The following NRG3 variants were observed in gnomAD, a reference collection of about 807,000 sequenced individuals.
NRG3 encodes neuregulin 3, also known as pro-neuregulin-3, membrane-bound isoform.
Under a neutral mutation model 66.9 loss-of-function variants are expected in NRG3, and 31 were observed. The observed-to-expected ratio is 0.46, with a 90% CI of 0.35 to 0.63. The LOEUF (loss-of-function observed/expected upper bound fraction) is 0.63, where lower values mean the gene tolerates loss of function less well. NRG3 is among the 20% of genes least tolerant of loss of function. NRG3 has a pLI of 0.00. For synonymous variants in NRG3, 393 were observed against 359.4 expected, an observed-to-expected ratio of 1.09 and a Z score of -1.06; for missense variants, 910 against 878.9, an observed-to-expected ratio of 1.04 and a Z score of -0.45.
chr10:82,331,117 T>C (rs932596950), intron 1 of NRG3, among the ~76,000 whole-genome samples: 4 of 152,204 alleles, frequency 2.6e-5, no homozygotes, highest in Non-Finnish European at 5.9e-5. Context: ...CATGTAGACC[T>C]GGAAAAACAC....
At chr10:82,453,521 C>A (rs2091119294) in intron 2 of NRG3, among the ~76,000 whole-genome samples, 1 of 152,064 alleles carries the variant, frequency 6.6e-6, no homozygotes. Context: ...AAATTATCAA[C>A]CAAAGACAAT....
chr10:82,607,849 G>T (rs1025328396), intron 2 of NRG3, among the ~76,000 whole-genome samples: 2 of 151,984 alleles, frequency 1.3e-5, no homozygotes, highest in African/African-American at 4.8e-5. Flanking sequence ...TGTATTGCAA[G>T]TACTTTATAA....
intron 2 of NRG3, among the ~76,000 whole-genome samples, chr10:82,492,395 C>T (rs978215185): frequency 6.6e-6 from 1 of 152,176 alleles, no homozygotes; most frequent in Non-Finnish European, 1.5e-5. Flanking sequence ...TTATTTCTTT[C>T]ATTTAAATGA....
chr10:82,803,860 C>T (rs1273972969), intron 3 of NRG3, among the ~76,000 whole-genome samples: 1 of 152,120 alleles, frequency 6.6e-6, no homozygotes. Flanking sequence ...TCCATGGCTT[C>T]ACTTTACGGT....
At chr10:82,512,496 A>G (rs532565568) in intron 2 of NRG3, among the ~76,000 whole-genome samples, 19 of 151,934 alleles carry the variant, frequency 1.3e-4, no homozygotes, top group African/African-American at 4.1e-4. Context: ...ATGTTGGCCA[A>G]ACTGGTCTTG....
At chr10:81,900,444 T>C (rs1394731869) in intron 1 of NRG3, among the ~76,000 whole-genome samples, 1 of 152,236 alleles carries the variant, frequency 6.6e-6, no homozygotes, top group Non-Finnish European at 1.5e-5. Flanking sequence ...AGTCTGAGAA[T>C]CTTAAACAAA....
intron 2 of NRG3, among the ~76,000 whole-genome samples, chr10:82,483,486 G>C (rs932082420): frequency 6.6e-6 from 1 of 152,212 alleles, no homozygotes; most frequent in African/African-American, 2.4e-5. Context: ...AAAGATGTTG[G>C]TGATGATGAC....
At chr10:82,324,128 G>T (rs1162989445) in intron 1 of NRG3, among the ~76,000 whole-genome samples, 1 of 152,124 alleles carries the variant, frequency 6.6e-6, no homozygotes, top group African/African-American at 2.4e-5. Flanking sequence ...GCTTCCCAGG[G>T]TGCTGGGATT....
chr10:82,132,761 C>T (rs983946063), intron 1 of NRG3, among the ~76,000 whole-genome samples: 6 of 150,942 alleles, frequency 4.0e-5, no homozygotes, highest in Non-Finnish European at 5.9e-5. Flanking sequence ...ACTTGTTATT[C>T]GTCTATTCAG....
At chr10:82,951,800 T>C (rs956617322) in intron 5 of NRG3, among the ~76,000 whole-genome samples, 1 of 152,188 alleles carries the variant, frequency 6.6e-6, no homozygotes, top group Non-Finnish European at 1.5e-5. Flanking sequence ...TTATCTACGA[T>C]GCACATAATG....
intron 2 of NRG3, among the ~76,000 whole-genome samples, chr10:82,412,534 G>A (rs1163752053): frequency 1.3e-5 from 2 of 152,130 alleles, no homozygotes; most frequent in East Asian, 3.9e-4. Context: ...CAATGTTGAT[G>A]GCTGCTGACT....
intron 1 of NRG3, among the ~76,000 whole-genome samples, chr10:82,006,518 A>G (rs1351826409): frequency 6.6e-6 from 1 of 152,044 alleles, no homozygotes; most frequent in South Asian, 2.1e-4. Context: ...CTATCTTTAT[A>G]TCATCAATAT....
intron 1 of NRG3, among the ~76,000 whole-genome samples, chr10:81,899,931 T>C (rs1273402816): frequency 1.3e-5 from 2 of 152,148 alleles, no homozygotes; most frequent in Non-Finnish European, 2.9e-5. Flanking sequence ...GCTGTGTGTT[T>C]ACATATTTTA....
At chr10:82,073,881 C>A (rs143798204) in intron 1 of NRG3, among the ~76,000 whole-genome samples, 178 of 152,232 alleles carry the variant, frequency 1.2e-3, no homozygotes, top group African/African-American at 4.2e-3. Flanking sequence ...TTTACTCCTA[C>A]GTCAGACATG....
intron 2 of NRG3, among the ~76,000 whole-genome samples, chr10:82,684,835 A>C (rs1025777618): frequency 4.6e-5 from 7 of 152,142 alleles, no homozygotes; most frequent in Non-Finnish European, 7.3e-5. Flanking sequence ...AGGTCCAAAA[A>C]ATTGTTCCAG....
chr10:82,795,057 A>C lies in NRG3; in HGVS notation c.1027+56407A>C, dbSNP rs1162314471. On this transcript the variant is annotated intron_variant, in intron 3 of 8. Coordinates refer to ENST00000372141, the MANE Select transcript of NRG3 (RefSeq NM_001010848.4). Reference sequence around the variant, plus strand: ...ATATAAAACTCACGTATAAAAATACAGAAGTAAAATGAAGATCTCTATGTT... The same window carrying C: ...ATATAAAACTCACGTATAAAAATACCGAAGTAAAATGAAGATCTCTATGTT... Among the ~76,000 whole-genome samples, 4 of 152,262 alleles carry C rather than the reference A, an allele frequency of 2.6e-5. No homozygotes were observed. The East Asian group carries it at 7.7e-4, about 29-fold the overall frequency.
intron 2 of NRG3, among the ~76,000 whole-genome samples, chr10:82,622,615 C>T (rs2133626809): frequency 6.6e-6 from 1 of 152,226 alleles, no homozygotes. Context: ...TTGATGTTGT[C>T]CCAGGCTGTC....
At chr10:82,968,626 G>C (rs190297683) in intron 6 of NRG3, among the ~76,000 whole-genome samples, 3 of 149,998 alleles carry the variant, frequency 2.0e-5, no homozygotes, top group African/African-American at 7.3e-5. Context: ...AGATGAATTA[G>C]GCTTTTTGAC....
intron 1 of NRG3, among the ~76,000 whole-genome samples, chr10:82,203,618 C>A (rs1006204739): frequency 2.0e-5 from 3 of 152,060 alleles, no homozygotes; most frequent in African/African-American, 7.2e-5. Context: ...TAAAAACTAT[C>A]ATAAGACATA....
Sources: gnomAD v4.1 joint callset for allele counts (sites outside exome capture counted in the v4.1 genomes callset) on GRCh38, gnomAD v4.1.1 for gene constraint, MANE v1.5 for transcripts, NCBI Gene and HGNC (gene_info 2026-07-23, HGNC 2026-07-21) for gene names.